SNX29: variants seen among roughly 807,000 people sequenced by gnomAD.
SNX29 encodes the protein sorting nexin 29.
SNX29 carries 78 observed loss-of-function variants against 102.1 expected under a neutral mutation model. The observed-to-expected ratio is 0.76, with a 90% CI of 0.64 to 0.92. The LOEUF is 0.92. SNX29 is among the 40% of genes least tolerant of loss of function. SNX29 has a pLI of 0.00. For missense variants in SNX29, 1,280 were observed against 1,061.7 expected (o/e 1.21, Z -2.86); for synonymous variants, 580 against 414.5 (o/e 1.40, Z -4.85).
At position 12,487,751 on chromosome 16, in the gene SNX29, A is replaced by G. The variant is rs550158733; in HGVS notation, c.2178+9892A>G. Among the ~76,000 whole-genome samples, 183 of 152,344 alleles carry G rather than the reference A, an allele frequency of 1.2e-3. 1 individual carries two copies. Among genetic ancestry groups the G allele is most frequent in the Non-Finnish European group, 1.7e-3 (114 of 68,028 alleles). ...TCACACACCATCCCCCGCAACTGCTAGGGCTCCACAGAGAAATTTGGGAGC... is the reference window on the plus strand; with the variant it reads ...TCACACACCATCCCCCGCAACTGCTGGGGCTCCACAGAGAAATTTGGGAGC... On this transcript the variant is annotated intron_variant, in intron 19 of 20. Coordinates refer to ENST00000566228, the MANE Select transcript of SNX29 (RefSeq NM_032167.5).
chr16:12,388,484 C>A (rs2151457689), intron 16 of SNX29, among the ~76,000 whole-genome samples: 1 of 152,290 alleles, frequency 6.6e-6, no homozygotes, highest in East Asian at 1.9e-4. Context: ...AATGAGATTT[C>A]CCTGAAATTA....
At chr16:12,303,830 C>G (rs2080256279) in intron 15 of SNX29, among the ~76,000 whole-genome samples, 1 of 152,222 alleles carries the variant, frequency 6.6e-6, no homozygotes, top group South Asian at 2.1e-4. Flanking sequence ...CAGCGGTTCA[C>G]TGGGCGGAGT....
At chr16:12,550,147 T>C (rs945591643) in intron 20 of SNX29, among the ~76,000 whole-genome samples, 1 of 152,222 alleles carries the variant, frequency 6.6e-6, no homozygotes, top group Non-Finnish European at 1.5e-5. Context: ...ATACCTTCCA[T>C]ACCGCATGTA....
intron 18 of SNX29, among the ~76,000 whole-genome samples, chr16:12,426,505 A>G (rs552370579): frequency 6.6e-6 from 1 of 152,200 alleles, no homozygotes; most frequent in African/African-American, 2.4e-5. Flanking sequence ...CATCTGGTAG[A>G]ATAGAAATAT....
At chr16:12,021,752 C>T (rs886366718) in intron 3 of SNX29, among the ~76,000 whole-genome samples, 5 of 151,852 alleles carry the variant, frequency 3.3e-5, no homozygotes, top group African/African-American at 9.7e-5. Context: ...AATGGCCGGA[C>T]GTGGTGGCCC....
chr16:12,070,027 C>G (rs550166838), intron 10 of SNX29, among the ~76,000 whole-genome samples: 7 of 152,256 alleles, frequency 4.6e-5, no homozygotes, highest in Admixed American at 3.3e-4. Context: ...TTTGACCATC[C>G]TAGTGTTGTA....
At chr16:12,390,091 G>T (rs1223929726) in intron 16 of SNX29, among the ~76,000 whole-genome samples, 2 of 151,974 alleles carry the variant, frequency 1.3e-5, no homozygotes, top group Non-Finnish European at 1.5e-5. Flanking sequence ...TTAAAAGTCT[G>T]TTGATATAAA....
At chr16:12,155,009 A>C (rs138072415) in intron 13 of SNX29, among the ~76,000 whole-genome samples, 3 of 152,196 alleles carry the variant, frequency 2.0e-5, no homozygotes, top group African/African-American at 4.8e-5. Context: ...GCATTTAGGC[A>C]TGAAGAATGT....
At chr16:12,467,338 A>G (rs886717535) in intron 18 of SNX29, among the ~76,000 whole-genome samples, 1 of 152,222 alleles carries the variant, frequency 6.6e-6, no homozygotes, top group African/African-American at 2.4e-5. Flanking sequence ...ATAAATGGCT[A>G]TCGCTCACTA....
chr16:12,405,394 C>T (rs111999555), intron 18 of SNX29, among the ~76,000 whole-genome samples: 1 of 152,190 alleles, frequency 6.6e-6, no homozygotes, highest in African/African-American at 2.4e-5. Context: ...GCCACTCTCT[C>T]CCCGTCCTTT....
chr16:12,303,468 C>A (rs1191775531), intron 15 of SNX29, among the ~76,000 whole-genome samples: 1 of 152,176 alleles, frequency 6.6e-6, no homozygotes. Flanking sequence ...AATTGTGTGG[C>A]TCGAAGAAAG....
At chr16:12,258,763 GGT>G (rs1291992049) in intron 14 of SNX29, among the ~76,000 whole-genome samples, 1 of 152,092 alleles carries the variant, frequency 6.6e-6, no homozygotes, top group Non-Finnish European at 1.5e-5. Context: ...AACTTGTAAG[GGT>G]TTGTGAGGTA....
intron 15 of SNX29, among the ~76,000 whole-genome samples, chr16:12,302,375 CT>C (rs1234781220): frequency 1.3e-5 from 2 of 152,186 alleles, no homozygotes; most frequent in Non-Finnish European, 2.9e-5. Flanking sequence ...ATTGTGTTAT[CT>C]ACTGTCTTAG....
intron 14 of SNX29, among the ~76,000 whole-genome samples, chr16:12,215,689 G>GT (rs1193636808): frequency 6.6e-6 from 1 of 152,184 alleles, no homozygotes; most frequent in Non-Finnish European, 1.5e-5. Flanking sequence ...TTTGAGGTAC[G>GT]TGCTGTACCC....
chr16:12,193,465 A>G (rs2076695192), intron 13 of SNX29, among the ~76,000 whole-genome samples: 1 of 65,296 alleles, frequency 1.5e-5, no homozygotes, highest in South Asian at 1.2e-3. Flanking sequence ...GTGAAACTCC[A>G]TCTTCAAAAA....
At position 12,510,119 on chromosome 16, in the gene SNX29, T is replaced by C. The variant is rs143920829; in HGVS notation, c.2179-14583T>C. On this transcript the variant is annotated intron_variant, in intron 19 of 20. Coordinates refer to ENST00000566228, the MANE Select transcript of SNX29 (RefSeq NM_032167.5). The stretch of plus-strand genomic sequence containing the variant: ...GTTGATTCTGTTTTTGGAGTGTGCA[T>C]TGGTGACATCTCCTTTGATGTAGCC... Among the ~76,000 whole-genome samples, 454 of 152,344 alleles carry C rather than the reference T, an allele frequency of 3.0e-3. 2 individuals are homozygous for C. Among genetic ancestry groups the C allele is most frequent in the African/African-American group, 0.01 (435 of 41,584 alleles).
chr16:12,402,508 G>C (rs1040442787), intron 17 of SNX29, among the ~76,000 whole-genome samples: 1 of 152,238 alleles, frequency 6.6e-6, no homozygotes, highest in Non-Finnish European at 1.5e-5. Flanking sequence ...GCACCGTTTT[G>C]ATAATTATTA....
intron 15 of SNX29, among the ~76,000 whole-genome samples, chr16:12,314,200 T>C (rs2080657392): frequency 6.6e-6 from 1 of 152,218 alleles, no homozygotes; most frequent in Non-Finnish European, 1.5e-5. Flanking sequence ...GGTCTTTCTG[T>C]GTTGCCCAGG....
At chr16:12,009,189 A>G (rs946651361) in intron 3 of SNX29, among the ~76,000 whole-genome samples, 1 of 152,184 alleles carries the variant, frequency 6.6e-6, no homozygotes, top group Non-Finnish European at 1.5e-5. Context: ...TTCAAGACAA[A>G]TAAGTAAATA....
Sources: gnomAD v4.1 joint callset for allele counts (sites outside exome capture counted in the v4.1 genomes callset) on GRCh38, gnomAD v4.1.1 for gene constraint, MANE v1.5 for transcripts, NCBI Gene and HGNC (gene_info 2026-07-23, HGNC 2026-07-21) for gene names.